Variants in PLEKHA6 observed in about 807,000 individuals in gnomAD.
PLEKHA6 encodes the protein pleckstrin homology domain containing A6, also known as pleckstrin homology domain-containing family A member 6.
In PLEKHA6, 60 loss-of-function variants were observed where a neutral mutation model predicts 116.7. The ratio of observed to expected loss-of-function variants is 0.51; its 90% CI spans 0.42 to 0.64. PLEKHA6 has a LOEUF of 0.64. Among genes scored for constraint, PLEKHA6 ranks in the 30% least tolerant of loss-of-function variants. The probability of loss-of-function intolerance (pLI) is 0.00; values close to 1 mark genes in which losing one functional copy is unlikely to be tolerated. For synonymous variants in PLEKHA6, 489 were observed against 556.1 expected, an observed-to-expected ratio of 0.88 and a Z score of 1.70; for missense variants, 1,338 against 1,422.7, an observed-to-expected ratio of 0.94 and a Z score of 0.96.
At chr1:204,297,329 A>G in intron 1 of PLEKHA6, 1 of 450,022 alleles carries the variant, frequency 2.2e-6, no homozygotes, top group Non-Finnish European at 2.9e-6. Flanking sequence ...TCCCCCTTTA[A>G]GTTTTCTCTT....
chr1:204,275,197 C>T (rs1321546834), intron 1 of PLEKHA6, among the ~76,000 whole-genome samples: 1 of 152,000 alleles, frequency 6.6e-6, no homozygotes, highest in East Asian at 1.9e-4. Context: ...TGCCAGTGAG[C>T]CACATAAAAA....
At chr1:204,326,927 A>T in intron 1 of PLEKHA6, 1 of 968,000 alleles carries the variant, frequency 1.0e-6, no homozygotes, top group Non-Finnish European at 1.2e-6. Flanking sequence ...CACTGCCCAA[A>T]CCCTGGGGCC....
At position 204,317,368 on chromosome 1, in the gene PLEKHA6, G is replaced by A. The variant is rs115175378; in HGVS notation, c.-95+42326C>T. The A allele has an allele frequency of 1.3e-4, 23 of 181,804 alleles. 1 individual carries two copies. The highest frequency in any genetic ancestry group is 2.7e-3 in the Middle Eastern group (1 of 364). The allele number at this position is 181,804 out of a possible 1,614,324, so 11.3% of individuals were successfully genotyped here. On this transcript the variant is annotated intron_variant, in intron 1 of 22. Coordinates refer to ENST00000272203, the MANE Select transcript of PLEKHA6 (RefSeq NM_014935.5). ...GTTGTTCCAGCAGCCAGGCCTCTTC[G>A]GAGAGTTTATCAGCAGAATCTGCCC... is the stretch of plus-strand genomic sequence containing the variant.
rs1380697905 is a variant in PLEKHA6 at position 204,230,674 on chromosome 1, G to A, written c.2410-88C>T. The A allele has an allele frequency of 1.9e-5, 22 of 1,172,530 alleles. No homozygotes were observed. The Middle Eastern group carries it at 6.0e-4, about 32-fold the overall frequency. The allele number at this position is 1,172,530 out of a possible 1,614,324, so 72.6% of individuals were successfully genotyped here. On this transcript the variant is annotated intron_variant, in intron 17 of 22. Coordinates refer to ENST00000272203, the MANE Select transcript of PLEKHA6 (RefSeq NM_014935.5). ...TGAACCCTTAACATTTACCTTCTAC[G>A]GGAAGTCTGCCTGTAGTGGACTGAA...
intron 1 of PLEKHA6, among the ~76,000 whole-genome samples, chr1:204,328,046 T>TTTTATTTA (rs200664605): frequency 7.0e-5 from 10 of 142,474 alleles, no homozygotes; most frequent in African/African-American, 1.9e-4. Context: ...CTTTTATTTA[T>TTTTATTTA]TTTATTTATT....
intron 3 of PLEKHA6, among the ~76,000 whole-genome samples, chr1:204,269,077 C>T (rs1667161026): frequency 1.3e-5 from 2 of 152,104 alleles, no homozygotes; most frequent in African/African-American, 2.4e-5. Flanking sequence ...CAGGGCTACA[C>T]CTTTAATCTT....
intron 1 of PLEKHA6, among the ~76,000 whole-genome samples, chr1:204,347,733 C>T (rs146176263): frequency 9.2e-5 from 14 of 152,290 alleles, no homozygotes; most frequent in African/African-American, 3.4e-4. Flanking sequence ...GCCATGGCTT[C>T]AGTCGGTCCC....
At chr1:204,247,576 C>T (rs1429330061) in intron 12 of PLEKHA6, 116 bp from the exon 13 acceptor site, 3 of 650,534 alleles carry the variant, frequency 4.6e-6, no homozygotes, top group Non-Finnish European at 8.2e-6. Flanking sequence ...GGGAAGAGGG[C>T]ATGGAGGGAC....
At chr1:204,255,716 CA>C (rs1665190210) in intron 9 of PLEKHA6, 1 of 701,354 alleles carries the variant, frequency 1.4e-6, no homozygotes, top group Admixed American at 2.0e-5. Context: ...CAAACAGCAA[CA>C]CAAACAAACA....
chr1:204,272,338 G>T (rs4951345), intron 3 of PLEKHA6, among the ~76,000 whole-genome samples: 74,362 of 151,700 alleles, frequency 0.49, 18,308 homozygotes, highest in Middle Eastern at 0.6. Flanking sequence ...TGACTTACTG[G>T]CTGTCCTCTT....
rs562405617 is a variant in PLEKHA6, at chr1:204,259,812, G to A, written c.525-72C>T. On this transcript the variant is annotated intron_variant, in intron 7 of 22. Coordinates refer to ENST00000272203, the MANE Select transcript of PLEKHA6 (RefSeq NM_014935.5). This position sits in a 1 kb window ranked among gnomAD's most constrained non-coding sequence, Gnocchi z 4.6. ...GGAGTGGGGCAGGGGGTGCCAGACT[G>A]GGAAGAAGAGGAGTGGGGAAGGATG... is the stretch of plus-strand genomic sequence containing the variant. 1.4e-6 allele frequency: 2 copies of A among 1,480,298 alleles called. No homozygotes were observed. Among genetic ancestry groups the A allele is most frequent in the African/African-American group, 1.4e-5 (1 of 71,578 alleles). 91.7% of individuals were successfully genotyped at this position (1,480,298 alleles called of 1,614,324 possible).
intron 15 of PLEKHA6, among the ~76,000 whole-genome samples, chr1:204,242,028 G>A (rs1662898917): frequency 6.6e-6 from 1 of 152,216 alleles, no homozygotes; most frequent in South Asian, 2.1e-4. Flanking sequence ...GGGCCATCTT[G>A]AGGAATGATT....
intron 7 of PLEKHA6, among the ~76,000 whole-genome samples, chr1:204,260,625 G>A (rs926025524): frequency 6.6e-6 from 1 of 152,180 alleles, no homozygotes; most frequent in East Asian, 1.9e-4. Flanking sequence ...TTGAAACATT[G>A]CTTGGTAAAC....
At chr1:204,287,940 T>C (rs1049779218) in intron 1 of PLEKHA6, among the ~76,000 whole-genome samples, 1 of 152,356 alleles carries the variant, frequency 6.6e-6, no homozygotes, top group Middle Eastern at 3.4e-3. Flanking sequence ...AAAGATTTCC[T>C]TCTAATAAAT....
intron 10 of PLEKHA6, 59 bp downstream of exon 10, chr1:204,250,487 G>C (rs184832593): frequency 5.1e-6 from 6 of 1,172,552 alleles, no homozygotes; most frequent in Non-Finnish European, 7.7e-6. Flanking sequence ...ACAGCCCCCC[G>C]CAGAGGACAG....
chr1:204,219,390 G>A lies in PLEKHA6; in HGVS notation c.*3398C>T, dbSNP rs767454201. 2.0e-5 allele frequency: 3 copies of A among 152,518 alleles called. No individual in the cohort carries two copies. The highest frequency in any genetic ancestry group is 2.9e-5 in the Non-Finnish European group (2 of 68,018). 9.4% of individuals were successfully genotyped at this position (152,518 alleles called of 1,614,324 possible). ...CAAGAACATGCCTCTCCCAAAGGCC[G>A]GAGAGCAAGTGTGCCACTTGTGCCC... On this transcript the variant is annotated 3_prime_UTR_variant, in exon 23 of 23. Coordinates refer to ENST00000272203, the MANE Select transcript of PLEKHA6 (RefSeq NM_014935.5).
At chr1:204,312,387 C>A (rs929658075) in intron 1 of PLEKHA6, among the ~76,000 whole-genome samples, 5 of 152,180 alleles carry the variant, frequency 3.3e-5, no homozygotes, top group African/African-American at 1.2e-4. Flanking sequence ...GAAACAAGAG[C>A]AAAACCATTC....
chr1:204,301,072 T>A (rs1365809731), intron 1 of PLEKHA6: 2 of 167,298 alleles, frequency 1.2e-5, no homozygotes, highest in East Asian at 3.8e-4. Flanking sequence ...ATATGTTTGA[T>A]TATGGAGCTG....
At chr1:204,233,332 C>T (rs1441637774) in intron 17 of PLEKHA6, among the ~76,000 whole-genome samples, 3 of 147,006 alleles carry the variant, frequency 2.0e-5, no homozygotes, top group Non-Finnish European at 4.4e-5. Flanking sequence ...TGCACCACCA[C>T]ACCTGGCTAA....
Sources: allele counts gnomAD v4.1 joint callset (sites outside exome capture counted in the v4.1 genomes callset), GRCh38; gene constraint gnomAD v4.1.1; non-coding constraint Gnocchi (gnomAD v3.1); transcripts MANE v1.5; gene names NCBI Gene and HGNC (gene_info 2026-07-23, HGNC 2026-07-21).